PDE4D: variants seen among roughly 807,000 people sequenced by gnomAD.
PDE4D encodes 3',5'-cyclic-AMP phosphodiesterase 4D.
Under a neutral mutation model 87.4 loss-of-function variants are expected in PDE4D, and 24 were observed. That is an observed-to-expected ratio of 0.27 (90% CI 0.20 to 0.39). The LOEUF (loss-of-function observed/expected upper bound fraction) is 0.39, where lower values mean the gene tolerates loss of function less well. PDE4D is among the 10% of genes least tolerant of loss of function. The pLI, the probability that PDE4D is intolerant of heterozygous loss-of-function variation, is 1.00. For missense variants in PDE4D, 714 were observed against 1,041.0 expected (o/e 0.69, Z 4.32); for synonymous variants, 384 against 383.2 (o/e 1.00, Z -0.02).
intron 1 of PDE4D, among the ~76,000 whole-genome samples, chr5:59,422,786 T>G (rs1794669513): frequency 6.6e-6 from 1 of 152,186 alleles, no homozygotes; most frequent in South Asian, 2.1e-4. Flanking sequence ...CATGGTTGGG[T>G]GATGGATAAA....
chr5:59,362,725 A>T (rs1782414289), intron 1 of PDE4D, among the ~76,000 whole-genome samples: 1 of 152,222 alleles, frequency 6.6e-6, no homozygotes, highest in African/African-American at 2.4e-5. Flanking sequence ...AAATAAGGAC[A>T]GAAATGGCTT....
chr5:60,156,773 T>G (rs1470112527), intron 2 of PDE4D, among the ~76,000 whole-genome samples: 2 of 152,128 alleles, frequency 1.3e-5, no homozygotes, highest in Non-Finnish European at 2.9e-5. Flanking sequence ...TATTCCAATG[T>G]TTATGCTGTT....
At chr5:59,851,798 G>T (rs1053524970) in intron 1 of PDE4D, among the ~76,000 whole-genome samples, 2 of 151,926 alleles carry the variant, frequency 1.3e-5, no homozygotes, top group African/African-American at 4.8e-5. Flanking sequence ...ATGGCAGGTG[G>T]TCTCTAGGAA....
At chr5:59,971,594 A>G (rs1040802256) in intron 3 of PDE4D, among the ~76,000 whole-genome samples, 7 of 152,122 alleles carry the variant, frequency 4.6e-5, no homozygotes, top group African/African-American at 1.7e-4. Context: ...AATAATTGCA[A>G]TGAAGCCCAG....
intron 1 of PDE4D, among the ~76,000 whole-genome samples, chr5:60,517,545 A>C (rs2150262513): frequency 6.6e-6 from 1 of 152,330 alleles, no homozygotes; most frequent in Non-Finnish European, 1.5e-5. Context: ...AGGTTGGAAC[A>C]ACTGGCCTGC....
chr5:59,357,089 C>T (rs1426408785), intron 1 of PDE4D: 1 of 396,994 alleles, frequency 2.5e-6, no homozygotes, highest in Non-Finnish European at 4.4e-6. Context: ...TCACTCAGGC[C>T]TTATCTCATA....
intron 5 of PDE4D, among the ~76,000 whole-genome samples, chr5:59,111,951 AG>A (rs139397401): frequency 0.049 from 7,473 of 152,294 alleles, 251 homozygotes; most frequent in East Asian, 0.13. Flanking sequence ...TTTCCAGTCT[AG>A]TACAGGAGAG....
At chr5:60,485,832 T>A (rs1457550202) in intron 1 of PDE4D, among the ~76,000 whole-genome samples, 1 of 152,158 alleles carries the variant, frequency 6.6e-6, no homozygotes, top group African/African-American at 2.4e-5. Flanking sequence ...GACTCTGGCA[T>A]CTCAGGAAGA....
At chr5:59,552,677 A>G (rs1818318817) in intron 1 of PDE4D, among the ~76,000 whole-genome samples, 1 of 152,206 alleles carries the variant, frequency 6.6e-6, no homozygotes, top group African/African-American at 2.4e-5. Context: ...CCACTGTGGC[A>G]CCTGTCAATA....
At chr5:60,320,660 T>G (rs995598362) in intron 1 of PDE4D, among the ~76,000 whole-genome samples, 1 of 152,162 alleles carries the variant, frequency 6.6e-6, no homozygotes, top group Non-Finnish European at 1.5e-5. Flanking sequence ...GAAAACCCCA[T>G]AGTCTCTGCC....
intron 1 of PDE4D, among the ~76,000 whole-genome samples, chr5:59,820,569 G>T (rs1281644073): frequency 6.6e-6 from 1 of 152,214 alleles, no homozygotes; most frequent in Non-Finnish European, 1.5e-5. Flanking sequence ...TAGGTCTCTT[G>T]TGTTTCTTGA....
chr5:60,468,344 G>T (rs1747549785), intron 1 of PDE4D, among the ~76,000 whole-genome samples: 1 of 151,808 alleles, frequency 6.6e-6, no homozygotes, highest in African/African-American at 2.4e-5. Flanking sequence ...TTACCATGTT[G>T]CCCAGGATGG....
chr5:60,029,667 T>C (rs1049907400), intron 2 of PDE4D, among the ~76,000 whole-genome samples: 3 of 152,188 alleles, frequency 2.0e-5, no homozygotes, highest in Non-Finnish European at 4.4e-5. Flanking sequence ...TCTCAAATCT[T>C]GAAGGTTCAC....
chr5:59,921,001 A>G (rs1170080451), intron 3 of PDE4D, among the ~76,000 whole-genome samples: 1 of 152,170 alleles, frequency 6.6e-6, no homozygotes, highest in Admixed American at 6.5e-5. Context: ...GTACCCTAGA[A>G]CTTAAAGTAT....
intron 2 of PDE4D, among the ~76,000 whole-genome samples, chr5:59,990,492 G>C (rs1312061537): frequency 6.6e-6 from 1 of 152,004 alleles, no homozygotes; most frequent in African/African-American, 2.4e-5. Flanking sequence ...GTATTGTCCA[G>C]TTGTATAGAC....
At chr5:59,567,436 G>A (rs151135002) in intron 1 of PDE4D, among the ~76,000 whole-genome samples, 26 of 152,318 alleles carry the variant, frequency 1.7e-4, no homozygotes, top group Non-Finnish European at 3.2e-4. Flanking sequence ...GTCATATGGA[G>A]AGTATGCTGA....
At chr5:60,334,424 T>C (rs1269407681) in intron 1 of PDE4D, among the ~76,000 whole-genome samples, 1 of 152,210 alleles carries the variant, frequency 6.6e-6, no homozygotes, top group Non-Finnish European at 1.5e-5. Flanking sequence ...AGAATAATTA[T>C]TGTAAATCAC....
chr5:59,109,166 A>G (rs1163185210), intron 5 of PDE4D, among the ~76,000 whole-genome samples: 1 of 152,136 alleles, frequency 6.6e-6, no homozygotes, highest in Non-Finnish European at 1.5e-5. Context: ...AGGCACTCAG[A>G]TGAAAAACAC....
chr5:60,391,561 T>C (rs751484950), intron 1 of PDE4D, among the ~76,000 whole-genome samples: 21 of 152,198 alleles, frequency 1.4e-4, no homozygotes, highest in Non-Finnish European at 2.6e-4. Flanking sequence ...TTTTTTCCAT[T>C]TTTAAAGAAC....
Sources: allele counts gnomAD v4.1 joint callset (sites outside exome capture counted in the v4.1 genomes callset), GRCh38; gene constraint gnomAD v4.1.1; transcripts MANE v1.5; gene names NCBI Gene and HGNC (gene_info 2026-07-23, HGNC 2026-07-21).